Variants in KDM1B observed in about 807,000 individuals in gnomAD.
KDM1B encodes lysine-specific histone demethylase 2.
A neutral mutation model predicts 107.4 loss-of-function variants in KDM1B; 63 were observed. That is an observed-to-expected ratio of 0.59 (90% CI 0.48 to 0.72). The LOEUF (loss-of-function observed/expected upper bound fraction) is 0.72, where lower values mean the gene tolerates loss of function less well. Ranked by LOEUF, KDM1B falls within the 30% of genes least tolerant of loss-of-function variation. KDM1B has a pLI of 0.00. For missense variants in KDM1B, 749 were observed against 1,020.8 expected (o/e 0.73, Z 3.63); for synonymous variants, 363 against 363.9 (o/e 1.00, Z 0.03).
In KDM1B at chr6:18,162,958, G is replaced by A. The variant is rs1785061829; in HGVS notation, c.305+34G>A. 1 of 1,344,654 alleles carries A rather than the reference G, an allele frequency of 7.4e-7. No homozygotes were observed. The highest frequency in any genetic ancestry group is 1.1e-6 in the Non-Finnish European group (1 of 934,204). 83.3% of individuals were successfully genotyped at this position (1,344,654 alleles called of 1,614,324 possible). On this transcript the variant is annotated intron_variant, in intron 5 of 21. Transcript: ENST00000650836. The surrounding 1 kb of genome is among the most constrained non-coding windows in gnomAD (Gnocchi z 4.1). ...ACTAATTGTGTGAGGTTTCCCTGGA[G>A]AAGGGGACCGTGGCAGGGGCAGTGC...
intron 7 of KDM1B, among the ~76,000 whole-genome samples, chr6:18,182,704 A>AT (rs1427377041): frequency 4.0e-5 from 6 of 151,626 alleles, no homozygotes; most frequent in South Asian, 2.1e-4. Flanking sequence ...CTTTTTTTTA[A>AT]TTTTTTTGTA....
intron 9 of KDM1B, among the ~76,000 whole-genome samples, chr6:18,190,384 A>G (rs1787194104): frequency 6.8e-6 from 1 of 147,266 alleles, no homozygotes; most frequent in African/African-American, 2.5e-5. Context: ...CGAGGTCAGG[A>G]GATCAAGACC....
Position 18,162,374 on chromosome 6 carries a change from A to C in KDM1B, c.216-461A>C, listed in dbSNP as rs1416054436. Reference sequence around the variant, plus strand: ...ACACAAAGACGTGGTGATCGTGTTCATAGTGGCATGATTTTTCATTCTCTT... The same window carrying C: ...ACACAAAGACGTGGTGATCGTGTTCCTAGTGGCATGATTTTTCATTCTCTT... On this transcript the variant is annotated intron_variant, in intron 4 of 21. Coordinates refer to ENST00000650836, the MANE Select transcript of KDM1B (RefSeq NM_001364614.2). The surrounding 1 kb of genome is among the most constrained non-coding windows in gnomAD (Gnocchi z 4.1). 6.6e-6 allele frequency among the ~76,000 whole-genome samples: 1 copy of C among 152,224 alleles called. No individual in the cohort carries two copies. Among genetic ancestry groups the C allele is most frequent in the African/African-American group, 2.4e-5 (1 of 41,464 alleles).
rs1322600264 is a variant in KDM1B, at chr6:18,200,970, T to C, written c.1359+394T>C. Among the ~76,000 whole-genome samples the C allele has an allele frequency of 6.6e-6, 1 of 152,240 alleles. No individual in the cohort carries two copies. Among genetic ancestry groups the C allele is most frequent in the Non-Finnish European group, 1.5e-5 (1 of 68,032 alleles). ...ACATGCAATATTTGGGACATACTTA[T>C]ACTTAAAAAAATTATGTATTACTAA... On this transcript the variant is annotated intron_variant, in intron 13 of 21. Coordinates refer to ENST00000650836, the MANE Select transcript of KDM1B (RefSeq NM_001364614.2). The surrounding 1 kb of genome is among the most constrained non-coding windows in gnomAD (Gnocchi z 4.3).
rs577667468 is a variant in KDM1B at position 18,201,670 on chromosome 6, C to T, written c.1531+13C>T. ...GTCCCTTTAGGAGGTATGGGGAGAA[C>T]GGTGTTCTGATTGTTCCATCTCAGT... On this transcript the variant is annotated intron_variant, in intron 14 of 21. Transcript: ENST00000650836. This position sits in a 1 kb window ranked among gnomAD's most constrained non-coding sequence, Gnocchi z 4.3. The T allele has an allele frequency of 2.6e-4, 403 of 1,533,490 alleles. 6 individuals are homozygous for T. The South Asian group carries it at 4.2e-3, about 16-fold the overall frequency. The allele number at this position is 1,533,490 out of a possible 1,614,324, so 95.0% of individuals were successfully genotyped here.
In KDM1B at chr6:18,212,940, G is replaced by A. The variant is rs1582209712; in HGVS notation, c.1983+336G>A. Reference sequence around the variant, plus strand: ...CTCATTGGCCCCAGTGAGGACAGAGGTTTATTTCTCCTGCCTTTAATATCT... The same window carrying A: ...CTCATTGGCCCCAGTGAGGACAGAGATTTATTTCTCCTGCCTTTAATATCT... On this transcript the variant is annotated intron_variant, in intron 18 of 21. Transcript: ENST00000650836. The surrounding 1 kb of genome is among the most constrained non-coding windows in gnomAD (Gnocchi z 5.2). Among the ~76,000 whole-genome samples the A allele has an allele frequency of 6.6e-6, 1 of 152,146 alleles. No homozygotes were observed. The highest frequency in any genetic ancestry group is 1.5e-5 in the Non-Finnish European group (1 of 68,038).
Position 18,209,508 on chromosome 6 carries a change from C to T in KDM1B, c.1866+1302C>T, listed in dbSNP as rs1240740292. 2.0e-5 allele frequency among the ~76,000 whole-genome samples: 3 copies of T among 152,228 alleles called. No homozygotes were observed. In the East Asian group the frequency reaches 5.8e-4, roughly 29 times the overall value. On this transcript the variant is annotated intron_variant, in intron 17 of 21. Transcript: ENST00000650836. This position sits in a 1 kb window ranked among gnomAD's most constrained non-coding sequence, Gnocchi z 4.3. ...TAACCAACTCGGAGATCTTGGGCAG[C>T]AATCCCCGGGCTGCACGTCGGAACC...
In KDM1B at chr6:18,158,995, T is replaced by A. The variant is rs140956182; in HGVS notation, c.-13-888T>A. ...TTCTTTTATTTTTTTTGAGATGGAG[T>A]CTTGCTCTGTTGCCCAGGCTGGAGT... is the stretch of plus-strand genomic sequence containing the variant. On this transcript the variant is annotated intron_variant, in intron 2 of 21. Transcript: ENST00000650836. Among the ~76,000 whole-genome samples, 48 of 152,182 alleles carry A rather than the reference T, an allele frequency of 3.2e-4. No homozygotes were observed. In the East Asian group the frequency reaches 5.8e-3, roughly 18 times the overall value.
intron 10 of KDM1B, among the ~76,000 whole-genome samples, chr6:18,195,695 A>C (rs1787596341): frequency 7.0e-6 from 1 of 143,458 alleles, no homozygotes; most frequent in African/African-American, 2.7e-5. Context: ...AGATTGTGCC[A>C]CTGCACTCCA....
At chr6:18,165,862 G>A (rs1424646768) in intron 5 of KDM1B, among the ~76,000 whole-genome samples, 3 of 151,946 alleles carry the variant, frequency 2.0e-5, no homozygotes, top group Non-Finnish European at 2.9e-5. Context: ...AAAAATATTC[G>A]GAACTGGTTC....
At position 18,159,798 on chromosome 6, in the gene KDM1B, C is replaced by T; in HGVS notation, c.-13-85C>T. On this transcript the variant is annotated intron_variant, in intron 2 of 21. Transcript: ENST00000650836. This position sits in a 1 kb window ranked among gnomAD's most constrained non-coding sequence, Gnocchi z 4.5. ...TAGGCAATCTGACATACATTCTTACCTACCAAAGTGTATAATAACTTGCTC... is the reference window on the plus strand; with the variant it reads ...TAGGCAATCTGACATACATTCTTACTTACCAAAGTGTATAATAACTTGCTC... The T allele has an allele frequency of 1.4e-6, 1 of 701,008 alleles. No homozygotes were observed. Among genetic ancestry groups the T allele is most frequent in the Admixed American group, 2.8e-5 (1 of 36,190 alleles). 43.4% of individuals were successfully genotyped at this position (701,008 alleles called of 1,614,324 possible).
chr6:18,187,842 T>A lies in KDM1B; in HGVS notation c.624T>A (p.Pro208=). The A allele has an allele frequency of 6.4e-7, 1 of 1,550,486 alleles. No individual in the cohort carries two copies. Among genetic ancestry groups the A allele is most frequent in the Non-Finnish European group, 8.7e-7 (1 of 1,146,964 alleles). Residue 208 remains proline, a synonymous_variant, in exon 9 of 22, where the codon CCT becomes CCA. Coordinates refer to ENST00000650836, the MANE Select transcript of KDM1B (RefSeq NM_001364614.2). ...NHWWYSMLIL[P]PLLKDSVAAP... ...GGTGGTACTCTATGCTCATCCTACC[T>A]CCTTTGCTGAAAGACAGTGTGGCAG...
intron 14 of KDM1B, among the ~76,000 whole-genome samples, chr6:18,202,790 C>A (rs1788124978): frequency 6.6e-6 from 1 of 152,164 alleles, no homozygotes; most frequent in Non-Finnish European, 1.5e-5. Flanking sequence ...CTTTTCCCTT[C>A]CCCTCTCCTG....
chr6:18,218,624 T>C (rs1789428154), intron 21 of KDM1B, among the ~76,000 whole-genome samples: 1 of 152,190 alleles, frequency 6.6e-6, no homozygotes, highest in African/African-American at 2.4e-5. Flanking sequence ...GATACCTTCT[T>C]ACACAGTTTT....
chr6:18,191,507 T>C lies in KDM1B; in HGVS notation c.969+126T>C. On this transcript the variant is annotated intron_variant, in intron 10 of 21. Transcript: ENST00000650836. The surrounding 1 kb of genome is among the most constrained non-coding windows in gnomAD (Gnocchi z 5.1). Reference sequence around the variant, plus strand: ...TCTCAGCCGTGCCTCTGTTGACAATTTGGGCAGATAATTCTTTGTGGTGGG... The same window carrying C: ...TCTCAGCCGTGCCTCTGTTGACAATCTGGGCAGATAATTCTTTGTGGTGGG... 1 of 1,062,536 alleles carries C rather than the reference T, an allele frequency of 9.4e-7. No homozygotes were observed. The highest frequency in any genetic ancestry group is 1.3e-6 in the Non-Finnish European group (1 of 748,090). The allele number at this position is 1,062,536 out of a possible 1,614,324, so 65.8% of individuals were successfully genotyped here. A position where few individuals can be genotyped will look rare whatever the true frequency, so the allele number is the denominator to read the frequency against.
At position 18,194,378 on chromosome 6, in the gene KDM1B, G is replaced by A. The variant is rs377108277; in HGVS notation, c.970-2679G>A. 2.2e-3 allele frequency among the ~76,000 whole-genome samples: 333 copies of A among 152,162 alleles called. 2 individuals carry two copies. The highest frequency in any genetic ancestry group is 7.1e-3 in the African/African-American group (295 of 41,526). Reference sequence around the variant, plus strand: ...AAGAATCCAGCTTTTTCTGTGGTCAGTAGGATCAGCAGCCTGGATTTCTGT... The same window carrying A: ...AAGAATCCAGCTTTTTCTGTGGTCAATAGGATCAGCAGCCTGGATTTCTGT... On this transcript the variant is annotated intron_variant, in intron 10 of 21. Transcript: ENST00000650836.
intron 15 of KDM1B, among the ~76,000 whole-genome samples, chr6:18,206,150 A>C (rs1191990202): frequency 1.6e-5 from 2 of 128,588 alleles, no homozygotes; most frequent in Non-Finnish European, 3.5e-5. Flanking sequence ...TGTTTTTTAA[A>C]CTTTTTTTTT....
rs570028100 is a variant in KDM1B at position 18,176,827 on chromosome 6, CT to C, written c.534+5353del. Among the ~76,000 whole-genome samples the C allele has an allele frequency of 1.7e-3, 261 of 152,238 alleles. 1 individual carries two copies. Among genetic ancestry groups the C allele is most frequent in the African/African-American group, 5.6e-3 (232 of 41,540 alleles). Reference sequence around the variant, plus strand: ...AACCCACTTGATCATGGTGGATTATCTTTTTGATATGTTGTTGGATTCAGTT... The same window carrying C: ...AACCCACTTGATCATGGTGGATTATCTTTTGATATGTTGTTGGATTCAGTT... On this transcript the variant is annotated intron_variant, in intron 7 of 21. Transcript: ENST00000650836.
intron 20 of KDM1B, among the ~76,000 whole-genome samples, chr6:18,216,872 T>A (rs536380462): frequency 6.6e-6 from 1 of 152,206 alleles, no homozygotes; most frequent in Non-Finnish European, 1.5e-5. Context: ...GGAAAAAACA[T>A]AGTGTGTATA....
Sources: gnomAD v4.1 joint callset for allele counts (sites outside exome capture counted in the v4.1 genomes callset) on GRCh38, gnomAD v4.1.1 for gene constraint, Gnocchi (gnomAD v3.1) non-coding constraint, MANE v1.5 for transcripts, NCBI Gene and HGNC (gene_info 2026-07-23, HGNC 2026-07-21) for gene names.